Variants in PITPNM2 observed in about 807,000 individuals in gnomAD.
The protein encoded by PITPNM2 is membrane-associated phosphatidylinositol transfer protein 2.
Under a neutral mutation model 132.2 loss-of-function variants are expected in PITPNM2, and 35 were observed. The observed-to-expected ratio is 0.26, with a 90% CI of 0.20 to 0.35. The LOEUF is 0.35. PITPNM2 is among the 10% of genes least tolerant of loss of function. PITPNM2 has a pLI of 1.00. For synonymous variants in PITPNM2, 738 were observed against 799.2 expected, an observed-to-expected ratio of 0.92 and a Z score of 1.29; for missense variants, 1,332 against 1,912.0, an observed-to-expected ratio of 0.70 and a Z score of 5.66.
chr12:123,142,224 A>G (rs896695355), intron 1 of PITPNM2, among the ~76,000 whole-genome samples: 1 of 152,260 alleles, frequency 6.6e-6, no homozygotes, highest in South Asian at 2.1e-4. Flanking sequence ...ACTAATGGCA[A>G]GAATCCGCTA....
chr12:123,138,788 C>A (rs2043436676), intron 1 of PITPNM2, among the ~76,000 whole-genome samples: 1 of 152,156 alleles, frequency 6.6e-6, no homozygotes, highest in African/African-American at 2.4e-5. Context: ...TGTGAATATA[C>A]TATATAACAC....
rs74263735 is a variant in PITPNM2, at chr12:123,106,410, TA to T, written c.-96+3974del. On this transcript the variant is annotated intron_variant, in intron 2 of 25. Transcript: ENST00000320201. The surrounding 1 kb of genome is among the most constrained non-coding windows in gnomAD (Gnocchi z 4.4). ...CTCTAAAATAAGTAAATAATTCCTT[TA>T]AAAAAAAAAACAGGAAGAAAAGAAA... Among the ~76,000 whole-genome samples the T allele has an allele frequency of 6.5e-4, 94 of 144,872 alleles. 3 individuals carry two copies. The East Asian group carries it at 9.8e-3, about 15-fold the overall frequency.
chr12:123,120,447 C>T (rs1353464501), intron 1 of PITPNM2, among the ~76,000 whole-genome samples: 1 of 152,194 alleles, frequency 6.6e-6, no homozygotes, highest in Non-Finnish European at 1.5e-5. Flanking sequence ...AGGACTAGTG[C>T]CTTTCTCTCT....
intron 2 of PITPNM2, among the ~76,000 whole-genome samples, chr12:123,050,292 GAC>G (rs1344416975): frequency 6.6e-6 from 1 of 152,148 alleles, no homozygotes; most frequent in Non-Finnish European, 1.5e-5. Context: ...CCTCCTCTCA[GAC>G]ACACTCAGTG....
In PITPNM2 at chr12:122,994,954, C is replaced by G; in HGVS notation, c.2080G>C (p.Glu694Gln). 1 of 1,609,632 alleles carries G rather than the reference C, an allele frequency of 6.2e-7. No individual in the cohort carries two copies. Reference protein sequence around the residue: ...SSLHASVLRTEPCSRHSSSST... With the variant: ...SSLHASVLRTQPCSRHSSSST... ...CTGCTGGAATGGCGTGAGCAGGGCT[C>G]AGTCCTCAGCACGCTGGCATGGAGG... Residue 694 changes from glutamate (E) to glutamine (Q), a missense_variant, in exon 15 of 26, where the codon GAG becomes CAG. Transcript: ENST00000320201. The surrounding 1 kb of genome is among the most constrained non-coding windows in gnomAD (Gnocchi z 5.4).
At chr12:123,049,872 T>C (rs1465970715) in intron 2 of PITPNM2, among the ~76,000 whole-genome samples, 1 of 152,232 alleles carries the variant, frequency 6.6e-6, no homozygotes, top group East Asian at 1.9e-4. Flanking sequence ...TGGCACTTAG[T>C]AGGTACTCAA....
At chr12:123,086,074 G>A (rs917197343) in intron 2 of PITPNM2, among the ~76,000 whole-genome samples, 10 of 152,204 alleles carry the variant, frequency 6.6e-5, no homozygotes, top group African/African-American at 2.2e-4. Flanking sequence ...TGCTTCCTAC[G>A]TTTATTTAGG....
At chr12:123,132,843 G>A (rs1230467198) in intron 1 of PITPNM2, among the ~76,000 whole-genome samples, 2 of 151,960 alleles carry the variant, frequency 1.3e-5, no homozygotes, top group Non-Finnish European at 2.9e-5. Context: ...TCAATACTTG[G>A]CAAATATTAT....
Position 122,994,802 on chromosome 12 carries a change from A to AT in PITPNM2, c.2231dup (p.Asp744GlufsTer92). 1 of 1,604,644 alleles carries AT rather than the reference A, an allele frequency of 6.2e-7. No individual in the cohort carries two copies. The highest frequency in any genetic ancestry group is 8.5e-7 in the Non-Finnish European group (1 of 1,177,536). ...ATCCTGCCCCTGCTGGGCTCTCACC[A>AT]TCCAGGGCTGGGATGACAGTCTTCC... On this transcript the variant is annotated frameshift_variant and splice_region_variant, in exon 15 of 26. Transcript: ENST00000320201. LOFTEE classifies it high-confidence loss of function. The surrounding 1 kb of genome is among the most constrained non-coding windows in gnomAD (Gnocchi z 5.4).
intron 1 of PITPNM2, among the ~76,000 whole-genome samples, chr12:123,133,307 C>T (rs1253019382): frequency 1.3e-5 from 2 of 152,224 alleles, no homozygotes; most frequent in African/African-American, 4.8e-5. Context: ...TGCCATCTGC[C>T]TACTTCATTC....
At chr12:123,028,707 G>A (rs925568601) in intron 3 of PITPNM2, among the ~76,000 whole-genome samples, 1 of 152,164 alleles carries the variant, frequency 6.6e-6, no homozygotes, top group Non-Finnish European at 1.5e-5. Flanking sequence ...TCTGACGTAC[G>A]TTCACACTTT....
At chr12:123,069,990 C>T (rs551580071) in intron 2 of PITPNM2, among the ~76,000 whole-genome samples, 1 of 152,272 alleles carries the variant, frequency 6.6e-6, no homozygotes, top group African/African-American at 2.4e-5. Context: ...GCACCCGGTG[C>T]TCATATGACA....
intron 23 of PITPNM2, 112 bp downstream of exon 23, chr12:122,987,169 C>G: frequency 6.8e-7 from 1 of 1,479,626 alleles, no homozygotes; most frequent in Non-Finnish European, 9.2e-7. Flanking sequence ...GCCCAGTGCC[C>G]GAGCCAGGCG....
At chr12:123,107,490 G>A (rs2042746174) in intron 2 of PITPNM2, among the ~76,000 whole-genome samples, 1 of 152,180 alleles carries the variant, frequency 6.6e-6, no homozygotes, top group Non-Finnish European at 1.5e-5. Context: ...TGGAAGGAAG[G>A]GCTCTGGATT....
At chr12:123,018,057 T>TTCTC (rs1028425783) in intron 3 of PITPNM2, among the ~76,000 whole-genome samples, 5 of 126,706 alleles carry the variant, frequency 3.9e-5, no homozygotes, top group East Asian at 2.6e-4. Context: ...CCTCCCTCTT[T>TTCTC]TCTCTCTCTC....
intron 2 of PITPNM2, among the ~76,000 whole-genome samples, chr12:123,093,793 C>T (rs1446924823): frequency 6.6e-6 from 1 of 152,256 alleles, no homozygotes; most frequent in African/African-American, 2.4e-5. Context: ...AGACCAGAAG[C>T]CACAAGACAC....
At chr12:123,112,731 G>A (rs2042865120) in intron 1 of PITPNM2, among the ~76,000 whole-genome samples, 1 of 151,852 alleles carries the variant, frequency 6.6e-6, no homozygotes, top group African/African-American at 2.4e-5. Flanking sequence ...GTAGAGACGG[G>A]GTTTCACCAT....
chr12:123,059,351 C>T (rs2041153303), intron 2 of PITPNM2, among the ~76,000 whole-genome samples: 1 of 152,214 alleles, frequency 6.6e-6, no homozygotes, highest in Non-Finnish European at 1.5e-5. Context: ...GGCAGAGGGC[C>T]CAGAGAAGGT....
intron 2 of PITPNM2, among the ~76,000 whole-genome samples, chr12:123,057,673 A>G (rs2041082132): frequency 6.6e-6 from 1 of 152,220 alleles, no homozygotes; most frequent in African/African-American, 2.4e-5. Flanking sequence ...CAGGGCACAT[A>G]GAGGCTGTAG....
Sources: allele counts gnomAD v4.1 joint callset (sites outside exome capture counted in the v4.1 genomes callset), GRCh38; gene constraint gnomAD v4.1.1; non-coding constraint Gnocchi (gnomAD v3.1); transcripts MANE v1.5; gene names NCBI Gene and HGNC (gene_info 2026-07-23, HGNC 2026-07-21).